The following ARSK variants were observed in gnomAD, a reference collection of about 807,000 sequenced individuals.
ARSK encodes the protein arylsulfatase family member K, also known as arylsulfatase K.
ARSK carries 37 observed loss-of-function variants against 53.2 expected under a neutral mutation model. The ratio of observed to expected loss-of-function variants is 0.70; its 90% confidence interval spans 0.54 to 0.92. ARSK has a LOEUF of 0.92. Among genes scored for constraint, ARSK ranks in the 40% least tolerant of loss-of-function variants. The pLI is 0.00. For synonymous variants in ARSK, 208 were observed against 223.2 expected (o/e 0.93, Z 0.61); for missense variants, 613 against 643.0 (o/e 0.95, Z 0.51).
At chr5:95,597,848 T>A (rs185870769) in intron 6 of ARSK, among the ~76,000 whole-genome samples, 404 of 145,294 alleles carry the variant, frequency 2.8e-3, no homozygotes, top group Non-Finnish European at 4.4e-3. Flanking sequence ...GAGCCAAGAT[T>A]GCGCCACTGC....
intron 3 of ARSK, among the ~76,000 whole-genome samples, chr5:95,580,151 GT>G (rs1279224166): frequency 6.6e-6 from 1 of 152,154 alleles, no homozygotes; most frequent in Non-Finnish European, 1.5e-5. Context: ...GCCACAGGTA[GT>G]TTTGGATCCT....
At chr5:95,570,652 A>G (rs747671882) in intron 3 of ARSK, among the ~76,000 whole-genome samples, 1 of 152,240 alleles carries the variant, frequency 6.6e-6, no homozygotes, top group Non-Finnish European at 1.5e-5. Context: ...AAAAGATACT[A>G]TACAAGGATT....
chr5:95,589,996 T>C (rs1749184720), intron 5 of ARSK, among the ~76,000 whole-genome samples: 1 of 152,186 alleles, frequency 6.6e-6, no homozygotes, highest in South Asian at 2.1e-4. Context: ...TTATTGCCAG[T>C]TAGACGTTTA....
At chr5:95,560,012 T>G (rs1748600167) in intron 1 of ARSK, among the ~76,000 whole-genome samples, 1 of 152,216 alleles carries the variant, frequency 6.6e-6, no homozygotes, top group African/African-American at 2.4e-5. Context: ...TGTACAAAAA[T>G]AAATTGTATT....
chr5:95,569,780 C>T (rs1235465178), intron 3 of ARSK, among the ~76,000 whole-genome samples: 1 of 152,188 alleles, frequency 6.6e-6, no homozygotes, highest in Non-Finnish European at 1.5e-5. Context: ...TTTGGGTAAA[C>T]AGATACTAAA....
chr5:95,578,930 G>A (rs796971493), intron 3 of ARSK, among the ~76,000 whole-genome samples: 30 of 152,286 alleles, frequency 2.0e-4, no homozygotes, highest in African/African-American at 7.2e-4. Flanking sequence ...AGTTGGTAAT[G>A]TGTTAAGTAG....
Position 95,591,380 on chromosome 5 carries a change from TTATCATGATTTC to T in ARSK, c.872-17_872-6del. The T allele has an allele frequency of 6.4e-7, 1 of 1,572,940 alleles. No homozygotes were observed. The highest frequency in any genetic ancestry group is 8.7e-7 in the Non-Finnish European group (1 of 1,142,860). On this transcript the variant is annotated splice_polypyrimidine_tract_variant and intron_variant, in intron 5 of 7. Transcript: ENST00000380009. ...ACATGAACTGAAAGTTTTAATCGGT[TTATCATGATTTC>T]TATTGTAGGTGAAATTATTTTGGCC... is the stretch of plus-strand genomic sequence containing the variant.
At chr5:95,595,619 G>A (rs1327418023) in intron 6 of ARSK, among the ~76,000 whole-genome samples, 1 of 142,770 alleles carries the variant, frequency 7.0e-6, no homozygotes, top group African/African-American at 2.5e-5. Flanking sequence ...CTAAACATTG[G>A]TTACTCATGG....
chr5:95,605,086 T>C lies in ARSK; in HGVS notation c.*1560T>C, dbSNP rs182378988. ...TTTACAGATCTTTGCTTTTGTGGCTTTTGGGATTTTGTATCATATTTAGAA... is the reference window on the plus strand; with the variant it reads ...TTTACAGATCTTTGCTTTTGTGGCTCTTGGGATTTTGTATCATATTTAGAA... On this transcript the variant is annotated 3_prime_UTR_variant, in exon 8 of 8. Transcript: ENST00000380009. The C allele has an allele frequency of 4.3e-4, 65 of 152,350 alleles. No individual in the cohort carries two copies. Among genetic ancestry groups the C allele is most frequent in the African/African-American group, 1.5e-3 (62 of 41,584 alleles). The allele number at this position is 152,350 out of a possible 1,614,324, so 9.4% of individuals were successfully genotyped here.
chr5:95,569,349 T>C (rs955378393), intron 3 of ARSK, among the ~76,000 whole-genome samples: 1 of 152,192 alleles, frequency 6.6e-6, no homozygotes, highest in Non-Finnish European at 1.5e-5. Context: ...GTGAGTTGAA[T>C]AATGTTCCCC....
intron 6 of ARSK, chr5:95,600,501 T>A (rs1749383429): frequency 2.6e-6 from 1 of 389,560 alleles, no homozygotes; most frequent in Non-Finnish European, 4.9e-6. Context: ...TATTAACTAT[T>A]TGTTGAAGGC....
chr5:95,586,232 C>T (rs1345212520), intron 4 of ARSK, among the ~76,000 whole-genome samples: 1 of 152,106 alleles, frequency 6.6e-6, no homozygotes, highest in Non-Finnish European at 1.5e-5. Flanking sequence ...TTTGGTTACA[C>T]AACTATATAT....
At position 95,601,106 on chromosome 5, in the gene ARSK, AT is replaced by A. The variant is rs772232030; in HGVS notation, c.1321+36del. The A allele has an allele frequency of 4.8e-5, 74 of 1,550,368 alleles. No homozygotes were observed. The Admixed American group carries it at 1.2e-3, about 26-fold the overall frequency. Reference sequence around the variant, plus strand: ...TTAATATATTTTTAAGTGTAATATTATGTGTAATGAACTGCCCTATGTAGCA... The same window carrying A: ...TTAATATATTTTTAAGTGTAATATTAGTGTAATGAACTGCCCTATGTAGCA... On this transcript the variant is annotated intron_variant, in intron 7 of 7. Transcript: ENST00000380009.
intron 7 of ARSK, among the ~76,000 whole-genome samples, chr5:95,601,983 C>T (rs947380883): frequency 4.6e-5 from 7 of 151,960 alleles, no homozygotes; most frequent in African/African-American, 1.5e-4. Flanking sequence ...CACATCAAAC[C>T]AGAATGGGGT....
intron 6 of ARSK, among the ~76,000 whole-genome samples, chr5:95,591,902 C>T (rs902220060): frequency 6.6e-6 from 1 of 152,324 alleles, no homozygotes; most frequent in African/African-American, 2.4e-5. Context: ...TATTCGGGTT[C>T]ATAACCTTAT....
At chr5:95,584,706 A>G (rs548501057) in intron 4 of ARSK, among the ~76,000 whole-genome samples, 4 of 152,228 alleles carry the variant, frequency 2.6e-5, no homozygotes, top group African/African-American at 7.2e-5. Context: ...AAGAAAAAAA[A>G]AATCCCATCA....
At chr5:95,559,449 C>G (rs896235521) in intron 1 of ARSK, among the ~76,000 whole-genome samples, 4 of 152,132 alleles carry the variant, frequency 2.6e-5, no homozygotes, top group African/African-American at 9.7e-5. Context: ...GGAAACAATC[C>G]CCTGCAGATA....
At chr5:95,567,863 C>G in intron 2 of ARSK, 27 bp from the exon 3 acceptor site, 2 of 1,578,248 alleles carry the variant, frequency 1.3e-6, no homozygotes, top group Non-Finnish European at 1.7e-6. Flanking sequence ...TTACCTTAAT[C>G]CCAATTCCTT....
chr5:95,600,182 A>G (rs886853673), intron 6 of ARSK, among the ~76,000 whole-genome samples: 2 of 152,184 alleles, frequency 1.3e-5, no homozygotes, highest in African/African-American at 4.8e-5. Context: ...ATAATCCACA[A>G]TTCCTGAAAG....
Sources: allele counts gnomAD v4.1 joint callset (sites outside exome capture counted in the v4.1 genomes callset), GRCh38; gene constraint gnomAD v4.1.1; transcripts MANE v1.5; gene names NCBI Gene and HGNC (gene_info 2026-07-23, HGNC 2026-07-21).